Variants in ADCY5 observed in about 807,000 individuals in gnomAD.
The protein encoded by ADCY5 is adenylate cyclase type 5.
ADCY5 carries 30 observed loss-of-function variants against 119.7 expected under a neutral mutation model. The ratio of observed to expected loss-of-function variants is 0.25; its 90% CI spans 0.19 to 0.34. ADCY5 has a LOEUF of 0.34. Ranked by LOEUF, ADCY5 falls within the 10% of genes least tolerant of loss-of-function variation. The pLI, the probability that ADCY5 is intolerant of heterozygous loss-of-function variation, is 1.00. For missense variants in ADCY5, 1,324 were observed against 1,775.2 expected, an observed-to-expected ratio of 0.75 and a Z score of 4.57; for synonymous variants, 753 against 762.2, an observed-to-expected ratio of 0.99 and a Z score of 0.20.
intron 14 of ADCY5, among the ~76,000 whole-genome samples, chr3:123,300,538 G>T (rs1411116829): frequency 6.6e-6 from 1 of 152,212 alleles, no homozygotes; most frequent in Non-Finnish European, 1.5e-5. Flanking sequence ...TGCGCTGCAG[G>T]CCCAGGCTGC....
chr3:123,371,648 C>G (rs927726019), intron 1 of ADCY5, among the ~76,000 whole-genome samples: 34 of 152,230 alleles, frequency 2.2e-4, no homozygotes, highest in Middle Eastern at 3.2e-3. Context: ...GAGGATGGGG[C>G]AAGAGCTGGG....
intron 1 of ADCY5, among the ~76,000 whole-genome samples, chr3:123,396,542 A>T (rs1944575423): frequency 6.9e-6 from 1 of 144,158 alleles, no homozygotes; most frequent in Non-Finnish European, 1.5e-5. Context: ...AAAAGAAAGA[A>T]AGAAAGAAAG....
intron 3 of ADCY5, among the ~76,000 whole-genome samples, chr3:123,338,191 C>A (rs1036960142): frequency 6.6e-6 from 1 of 152,222 alleles, no homozygotes; most frequent in Non-Finnish European, 1.5e-5. Flanking sequence ...GCTGAGGAAC[C>A]AGGGAGGGGC....
In ADCY5 at chr3:123,303,217, G is replaced by T; in HGVS notation, c.2562C>A (p.Phe854Leu). The change falls in exon 14 of 21, where the codon TTC (phenylalanine) becomes TTA (leucine). Residue 854 changes from phenylalanine to leucine, a missense_variant and splice_region_variant. By Grantham distance (22) the Phe-to-Leu change is conservative. Coordinates refer to ENST00000462833, the MANE Select transcript of ADCY5 (RefSeq NM_183357.3). ...CCAGCAGGTCCCTGGAGTTGCACGT[G>T]AACTGGGGGGAGGAAGGAGGGTGAT... ...LVFLAAFVNM[F>L]TCNSRDLLGC... 6.2e-7 allele frequency: 1 copy of T among 1,612,098 alleles called. No homozygotes were observed. Among genetic ancestry groups the T allele is most frequent in the Non-Finnish European group, 8.5e-7 (1 of 1,178,730 alleles).
intron 1 of ADCY5, among the ~76,000 whole-genome samples, chr3:123,380,671 A>G (rs79431137): frequency 0.18 from 27,818 of 152,220 alleles, 2,891 homozygotes; most frequent in Middle Eastern, 0.25. Flanking sequence ...CCCCATGGCT[A>G]GTACCTGTCT....
In ADCY5 at chr3:123,448,212, C is replaced by A. The variant is rs1433750011; in HGVS notation, c.334G>T (p.Gly112Cys). ...CGCCGCTGCCGGCGGCTGCCGCGAC[C>A]GCAGTCGTCGCCGCCGCGCTCCTGC... ...AWQERGGDDCGRGSRRQRRGA... is the reference protein window; with the variant it reads ...AWQERGGDDCCRGSRRQRRGA... The change falls in exon 1 of 21, where the codon GGT (glycine) becomes TGT (cysteine). Residue 112 changes from glycine (G) to cysteine (C), a missense_variant. Gly to Cys is a radical substitution (Grantham distance 159). This residue lies in a region of ADCY5 where 585 missense variants were observed against 569.9 expected (regional missense o/e 1.03). Transcript: ENST00000462833. 1.5e-6 allele frequency: 2 copies of A among 1,300,446 alleles called. No individual in the cohort carries two copies. The highest frequency in any genetic ancestry group is 2.3e-5 in the South Asian group (1 of 43,180). 80.6% of individuals were successfully genotyped at this position (1,300,446 alleles called of 1,614,324 possible).
In ADCY5 at chr3:123,296,275, G is replaced by T. The variant is rs866033544; in HGVS notation, c.2931-59C>A. 26 of 1,574,522 alleles carry T rather than the reference G, an allele frequency of 1.7e-5. 1 individual carries two copies. In the Middle Eastern group the frequency reaches 3.5e-3, roughly 215 times the overall value. On this transcript the variant is annotated intron_variant, in intron 16 of 20. Coordinates refer to ENST00000462833, the MANE Select transcript of ADCY5 (RefSeq NM_183357.3). ...CGTGGCTCCTCACAGCGGGCTCTGA[G>T]GACCCCACCCCCACCCACTGCTGGC...
intron 12 of ADCY5, among the ~76,000 whole-genome samples, chr3:123,309,964 G>A (rs1300609016): frequency 1.3e-5 from 2 of 152,124 alleles, no homozygotes; most frequent in Non-Finnish European, 2.9e-5. Flanking sequence ...GGCTCTGTCA[G>A]TGACTGCAGA....
chr3:123,352,322 T>A lies in ADCY5; in HGVS notation c.1284+110A>T. ...CATGGGTTGGTCCCCTCCCGGGGAG[T>A]GGGGCTGGCAGCCGTAATAAGCACT... is the stretch of plus-strand genomic sequence containing the variant. On this transcript the variant is annotated intron_variant, in intron 2 of 20. Coordinates refer to ENST00000462833, the MANE Select transcript of ADCY5 (RefSeq NM_183357.3). The surrounding 1 kb of genome is among the most constrained non-coding windows in gnomAD (Gnocchi z 4.8). 7.4e-7 allele frequency: 1 copy of A among 1,354,738 alleles called. No individual in the cohort carries two copies. The highest frequency in any genetic ancestry group is 2.5e-5 in the Admixed American group (1 of 39,752). 83.9% of individuals were successfully genotyped at this position (1,354,738 alleles called of 1,614,324 possible).
Position 123,448,672 on chromosome 3 carries a change from CTG to C in ADCY5, c.-129_-128del. 2.3e-6 allele frequency: 2 copies of C among 869,698 alleles called. No individual in the cohort carries two copies. The highest frequency in any genetic ancestry group is 5.7e-5 in the South Asian group (1 of 17,634). 53.9% of individuals were successfully genotyped at this position (869,698 alleles called of 1,614,324 possible). On this transcript the variant is annotated 5_prime_UTR_variant, in exon 1 of 21. An upstream open reading frame in the 5' UTR loses its in-frame stop. Transcript: ENST00000462833. ...CACACGTCGGGGGCGGCCCGGGGCC[CTG>C]CGCTGCAGCGGGGCATCTTGGCACC...
chr3:123,389,616 GT>G (rs762503901), intron 1 of ADCY5, among the ~76,000 whole-genome samples: 24 of 152,100 alleles, frequency 1.6e-4, no homozygotes, highest in Non-Finnish European at 1.8e-4. Context: ...CTTGCTCTTG[GT>G]GAAGCCCCCA....
intron 3 of ADCY5, among the ~76,000 whole-genome samples, chr3:123,338,519 G>A (rs1271640277): frequency 6.6e-6 from 1 of 152,214 alleles, no homozygotes; most frequent in East Asian, 1.9e-4. Context: ...TAACTCTGAA[G>A]GCCATTTCCC....
At chr3:123,291,001 T>C (rs1001458144) in intron 18 of ADCY5, 112 bp downstream of exon 18, 10 of 1,387,900 alleles carry the variant, frequency 7.2e-6, no homozygotes, top group African/African-American at 4.4e-5. Flanking sequence ...CCATCATCAC[T>C]GCTTATGTCA....
intron 1 of ADCY5, among the ~76,000 whole-genome samples, chr3:123,440,112 C>T (rs1301013985): frequency 3.3e-5 from 5 of 152,232 alleles, no homozygotes; most frequent in African/African-American, 1.2e-4. Flanking sequence ...CCACCCACCC[C>T]ACCACCCATT....
intron 14 of ADCY5, among the ~76,000 whole-genome samples, chr3:123,300,573 C>T (rs1939792132): frequency 6.6e-6 from 1 of 152,256 alleles, no homozygotes; most frequent in South Asian, 2.1e-4. Context: ...CTGATCCACA[C>T]TGGGCTTTGT....
chr3:123,338,706 G>A (rs1576593603), intron 3 of ADCY5, among the ~76,000 whole-genome samples: 1 of 152,202 alleles, frequency 6.6e-6, no homozygotes, highest in African/African-American at 2.4e-5. Flanking sequence ...ACAGTCTCCT[G>A]CATTCTATTC....
At chr3:123,431,555 T>C (rs1010283889) in intron 1 of ADCY5, among the ~76,000 whole-genome samples, 3 of 152,224 alleles carry the variant, frequency 2.0e-5, no homozygotes, top group Non-Finnish European at 4.4e-5. Flanking sequence ...TGAGTGAGGT[T>C]TGCTGCTCTG....
chr3:123,437,726 G>A (rs1230047987), intron 1 of ADCY5, among the ~76,000 whole-genome samples: 2 of 152,112 alleles, frequency 1.3e-5, no homozygotes, highest in African/African-American at 4.8e-5. Context: ...GGGGAAGGCT[G>A]ATCTGGAATG....
rs560990370 is a variant in ADCY5 at position 123,341,325 on chromosome 3, A to G, written c.1406+6457T>C. Among the ~76,000 whole-genome samples, 143 of 152,302 alleles carry G rather than the reference A, an allele frequency of 9.4e-4. 1 individual carries two copies. The highest frequency in any genetic ancestry group is 1.4e-3 in the Non-Finnish European group (97 of 68,036). ...AAGGAAGAAAATCCTGATACATGCT[A>G]TAACATGGAAGAACCTTGAAGACAT... On this transcript the variant is annotated intron_variant, in intron 3 of 20. Transcript: ENST00000462833.
Sources: gnomAD v4.1 joint callset for allele counts (sites outside exome capture counted in the v4.1 genomes callset) on GRCh38, gnomAD v4.1.1 for gene constraint, gnomAD v4.1.1 regional missense constraint, Gnocchi (gnomAD v3.1) non-coding constraint, MANE v1.5 for transcripts, NCBI Gene and HGNC (gene_info 2026-07-23, HGNC 2026-07-21) for gene names.